UBE2H: variants seen among roughly 807,000 people sequenced by gnomAD.
UBE2H encodes the protein ubiquitin conjugating enzyme E2 H.
UBE2H carries 3 observed loss-of-function variants against 29.0 expected under a neutral mutation model. The ratio of observed to expected loss-of-function variants is 0.10; its 90% CI spans 0.05 to 0.27. UBE2H has a LOEUF of 0.27. Among genes scored for constraint, UBE2H ranks in the 10% least tolerant of loss-of-function variants. UBE2H has a pLI of 1.00. For missense variants in UBE2H, 68 were observed against 228.2 expected (o/e 0.30, Z 4.52); for synonymous variants, 69 against 82.9 (o/e 0.83, Z 0.91).
intron 5 of UBE2H, among the ~76,000 whole-genome samples, chr7:129,854,099 G>A (rs764015743): frequency 1.5e-5 from 2 of 131,966 alleles, no homozygotes; most frequent in Non-Finnish European, 3.5e-5. Context: ...GCAGGGGTTG[G>A]CGGGGGCAGT....
rs1253168149 is a variant in UBE2H at position 129,902,507 on chromosome 7, C to CA, written c.54-21537dup. ...AGAGCGAGACTCCATCTCAAACAAA[C>CA]AAAAAACCTGTTGCACAAGTGAGAA... On this transcript the variant is annotated intron_variant, in intron 1 of 6. Transcript: ENST00000355621. 3.9e-5 allele frequency among the ~76,000 whole-genome samples: 6 copies of CA among 152,130 alleles called. No individual in the cohort carries two copies. In the East Asian group the frequency reaches 1.2e-3, roughly 29 times the overall value.
intron 5 of UBE2H, among the ~76,000 whole-genome samples, chr7:129,855,494 A>T (rs1204301388): frequency 6.6e-6 from 1 of 152,226 alleles, no homozygotes; most frequent in African/African-American, 2.4e-5. Flanking sequence ...TGTTGCCTCA[A>T]CTATATGCCA....
intron 5 of UBE2H, among the ~76,000 whole-genome samples, chr7:129,843,374 G>C (rs1441408769): frequency 1.3e-5 from 2 of 151,958 alleles, no homozygotes; most frequent in Non-Finnish European, 2.9e-5. Context: ...ACTCTTCCAT[G>C]GTCTGCATAT....
intron 5 of UBE2H, among the ~76,000 whole-genome samples, chr7:129,848,686 G>C (rs1805554527): frequency 6.6e-6 from 1 of 152,128 alleles, no homozygotes. Flanking sequence ...TTGACTTTAG[G>C]AACTGTATTG....
chr7:129,857,664 G>C, intron 4 of UBE2H, 101 bp from the exon 5 acceptor site: 1 of 1,257,490 alleles, frequency 8.0e-7, no homozygotes, highest in Admixed American at 2.2e-5. Flanking sequence ...ACTTCTAATA[G>C]ATCTGTGAAA....
At chr7:129,908,591 TA>T (rs1806867312) in intron 1 of UBE2H, among the ~76,000 whole-genome samples, 1 of 152,250 alleles carries the variant, frequency 6.6e-6, no homozygotes, top group Admixed American at 6.5e-5. Flanking sequence ...TTATGTAGAT[TA>T]CTAAGCAGTC....
intron 3 of UBE2H, among the ~76,000 whole-genome samples, chr7:129,867,832 C>A (rs1404677425): frequency 6.9e-6 from 1 of 144,452 alleles, no homozygotes; most frequent in African/African-American, 2.6e-5. Flanking sequence ...AAAACAAGCA[C>A]ACACACACTA....
In UBE2H at chr7:129,872,620, T is replaced by A. The variant is rs112039415; in HGVS notation, c.205+6948A>T. Reference sequence around the variant, plus strand: ...ACTGTGGGAGGCCAAGGTGGGTGGATCACCTGAGGTCAGGCATTTAAGACC... The same window carrying A: ...ACTGTGGGAGGCCAAGGTGGGTGGAACACCTGAGGTCAGGCATTTAAGACC... On this transcript the variant is annotated intron_variant, in intron 3 of 6. Transcript: ENST00000355621. Among the ~76,000 whole-genome samples the A allele has an allele frequency of 6.7e-3, 1,024 of 151,906 alleles. 11 individuals carry two copies. The highest frequency in any genetic ancestry group is 0.023 in the African/African-American group (967 of 41,438).
rs200344595 is a variant in UBE2H at position 129,952,181 on chromosome 7, TAG to T, written c.53+320_53+321del. ...GAAACCCTGAAAATGGGCTCGGTGG[TAG>T]AGAGTGAGGCGACTGGTCGTGCAAA... On this transcript the variant is annotated intron_variant, in intron 1 of 6. Transcript: ENST00000355621. Among the ~76,000 whole-genome samples the T allele has an allele frequency of 8.1e-3, 1,219 of 151,290 alleles. 14 individuals carry two copies. Among genetic ancestry groups the T allele is most frequent in the African/African-American group, 0.028 (1,172 of 41,192 alleles).
chr7:129,857,613 T>G (rs1584747713), intron 4 of UBE2H, 50 bp from the exon 5 acceptor site: 4 of 1,578,192 alleles, frequency 2.5e-6, no homozygotes, highest in East Asian at 4.5e-5. Context: ...GAAAGTTAGT[T>G]GCATGTATCT....
intron 1 of UBE2H, among the ~76,000 whole-genome samples, chr7:129,930,922 A>C (rs897918099): frequency 2.2e-5 from 3 of 136,660 alleles, no homozygotes; most frequent in Non-Finnish European, 3.1e-5. Flanking sequence ...AAAAAAAAAA[A>C]AAAAAAAAAA....
intron 1 of UBE2H, among the ~76,000 whole-genome samples, chr7:129,928,828 T>C (rs1266779031): frequency 6.6e-6 from 1 of 152,134 alleles, no homozygotes. Flanking sequence ...ATCAACAATA[T>C]GGTTAAACAG....
chr7:129,839,072 T>G (rs1584736024), intron 6 of UBE2H, 135 bp downstream of exon 6: 2 of 1,353,256 alleles, frequency 1.5e-6, no homozygotes, highest in East Asian at 4.8e-5. Context: ...TGAGCACTAC[T>G]TCAGCCCACA....
intron 5 of UBE2H, among the ~76,000 whole-genome samples, chr7:129,841,478 T>C (rs1204861251): frequency 6.6e-6 from 1 of 152,246 alleles, no homozygotes; most frequent in Non-Finnish European, 1.5e-5. Context: ...TAGCCATAAG[T>C]GGCTACTGAG....
chr7:129,877,354 A>G (rs1806166328), intron 3 of UBE2H, among the ~76,000 whole-genome samples: 1 of 152,154 alleles, frequency 6.6e-6, no homozygotes, highest in African/African-American at 2.4e-5. Context: ...GCCCTTCTGT[A>G]TAATTTTACA....
At chr7:129,889,579 T>C (rs555626675) in intron 1 of UBE2H, among the ~76,000 whole-genome samples, 2 of 152,336 alleles carry the variant, frequency 1.3e-5, no homozygotes, top group African/African-American at 2.4e-5. Context: ...ATTCCCACCA[T>C]GCAATATACT....
intron 1 of UBE2H, among the ~76,000 whole-genome samples, chr7:129,931,434 T>C (rs1807397838): frequency 6.6e-6 from 1 of 152,122 alleles, no homozygotes; most frequent in South Asian, 2.1e-4. Context: ...CTTTTCTATG[T>C]GTGTTATTTA....
At chr7:129,893,192 T>C (rs1806535910) in intron 1 of UBE2H, among the ~76,000 whole-genome samples, 1 of 152,186 alleles carries the variant, frequency 6.6e-6, no homozygotes, top group Non-Finnish European at 1.5e-5. Flanking sequence ...CAGTCTAGCC[T>C]TAGGAGAGGA....
intron 1 of UBE2H, among the ~76,000 whole-genome samples, chr7:129,904,621 G>A (rs1806779879): frequency 6.6e-6 from 1 of 152,264 alleles, no homozygotes; most frequent in Admixed American, 6.5e-5. Flanking sequence ...AACCTTATTT[G>A]CCTTTATTCC....
Sources: gnomAD v4.1 joint callset for allele counts (sites outside exome capture counted in the v4.1 genomes callset) on GRCh38, gnomAD v4.1.1 for gene constraint, MANE v1.5 for transcripts, NCBI Gene and HGNC (gene_info 2026-07-23, HGNC 2026-07-21) for gene names.